PARD3: variants seen among roughly 807,000 people sequenced by gnomAD.
The protein encoded by PARD3 is par-3 family cell polarity regulator.
In PARD3, 75 loss-of-function variants were observed where a neutral mutation model predicts 155.4. The ratio of observed to expected loss-of-function variants is 0.48; its 90% confidence interval spans 0.40 to 0.58. The LOEUF (loss-of-function observed/expected upper bound fraction) is 0.58. PARD3 is among the 20% of genes least tolerant of loss of function. PARD3 has a pLI of 0.00. For synonymous variants in PARD3, 576 were observed against 610.5 expected (o/e 0.94, Z 0.83); for missense variants, 1,642 against 1,721.7 (o/e 0.95, Z 0.82).
chr10:34,328,617 C>T (rs1835294205), intron 19 of PARD3, among the ~76,000 whole-genome samples: 1 of 152,204 alleles, frequency 6.6e-6, no homozygotes, highest in African/African-American at 2.4e-5. Context: ...TGAGGTACTG[C>T]TCCTGACCAG....
chr10:34,692,744 G>T (rs138354043), intron 2 of PARD3, among the ~76,000 whole-genome samples: 1,885 of 151,862 alleles, frequency 0.012, 36 homozygotes, highest in African/African-American at 0.043. Context: ...CATGGTGGCG[G>T]GCACCTGTAA....
At chr10:34,128,385 C>A (rs1225033218) in intron 23 of PARD3, among the ~76,000 whole-genome samples, 1 of 152,160 alleles carries the variant, frequency 6.6e-6, no homozygotes, top group East Asian at 1.9e-4. Flanking sequence ...ATGTTCTCTT[C>A]TTTATGATTT....
intron 22 of PARD3, among the ~76,000 whole-genome samples, chr10:34,257,470 G>A (rs1954715807): frequency 6.6e-6 from 1 of 152,196 alleles, no homozygotes; most frequent in African/African-American, 2.4e-5. Context: ...GGATCTTGGA[G>A]CTTTTGTTAG....
intron 15 of PARD3, chr10:34,343,849 G>A (rs1837097451): frequency 1.0e-6 from 1 of 982,272 alleles, no homozygotes; most frequent in South Asian, 4.7e-5. Flanking sequence ...ATCTTGTAGA[G>A]GAGTGAAACA....
chr10:34,666,800 TA>T (rs2093489915), intron 2 of PARD3, among the ~76,000 whole-genome samples: 1 of 22,602 alleles, frequency 4.4e-5, no homozygotes, highest in South Asian at 1.3e-3. Flanking sequence ...AAAAAAAATA[TA>T]TATATATATA....
chr10:34,512,071 G>C lies in PARD3; in HGVS notation c.403+4908C>G, dbSNP rs1204187052. ...ATTACATTTCCAACATGTAAATTTG[G>C]GGGGACACATTAAGAGCCTAGCAAT... is the stretch of plus-strand genomic sequence containing the variant. On this transcript the variant is annotated intron_variant, in intron 3 of 24. Transcript: ENST00000374788. Among the ~76,000 whole-genome samples the C allele has an allele frequency of 2.0e-5, 3 of 152,134 alleles. No individual in the cohort carries two copies. In the East Asian group the frequency reaches 5.8e-4, roughly 29 times the overall value.
chr10:34,286,586 T>C (rs192611378), intron 20 of PARD3, among the ~76,000 whole-genome samples: 5 of 152,244 alleles, frequency 3.3e-5, no homozygotes, highest in African/African-American at 9.6e-5. Flanking sequence ...CTTTGAGGAA[T>C]GGCAAGGGCC....
chr10:34,461,137 T>C (rs1300053954), intron 4 of PARD3, among the ~76,000 whole-genome samples: 80 of 152,016 alleles, frequency 5.3e-4, no homozygotes, highest in Non-Finnish European at 2.9e-5. Context: ...ATATGCAAAA[T>C]TAAAAGAAAG....
intron 1 of PARD3, among the ~76,000 whole-genome samples, chr10:34,807,088 T>C (rs755956441): frequency 6.6e-5 from 10 of 152,218 alleles, no homozygotes; most frequent in Admixed American, 2.6e-4. Context: ...TAAAGAACAA[T>C]TGGTGAAGCC....
At chr10:34,308,045 C>A (rs1323970421) in intron 20 of PARD3, among the ~76,000 whole-genome samples, 1 of 152,064 alleles carries the variant, frequency 6.6e-6, no homozygotes, top group African/African-American at 2.4e-5. Flanking sequence ...CCTAGGAATA[C>A]CTGAGAAAAG....
intron 2 of PARD3, among the ~76,000 whole-genome samples, chr10:34,532,308 T>A (rs549302684): frequency 6.6e-6 from 1 of 152,200 alleles, no homozygotes; most frequent in Non-Finnish European, 1.5e-5. Flanking sequence ...TCTCCAAAAA[T>A]TTTTCCAATA....
At chr10:34,270,514 CTGGCATCTACT>C (rs1382811355) in intron 21 of PARD3, among the ~76,000 whole-genome samples, 1 of 152,176 alleles carries the variant, frequency 6.6e-6, no homozygotes, top group East Asian at 1.9e-4. Flanking sequence ...CAGATCATTT[CTGGCATCTACT>C]TGGATATTAC....
At chr10:34,805,474 T>C (rs1037364734) in intron 1 of PARD3, among the ~76,000 whole-genome samples, 2 of 151,536 alleles carry the variant, frequency 1.3e-5, no homozygotes, top group Non-Finnish European at 2.9e-5. Context: ...TTGACTTGAC[T>C]ATCATCTCTA....
intron 19 of PARD3, among the ~76,000 whole-genome samples, chr10:34,326,532 A>G (rs1350563432): frequency 5.3e-5 from 8 of 152,232 alleles, no homozygotes. Flanking sequence ...ACTGTAATCC[A>G]CTGTGTTTTG....
chr10:34,117,771 C>T lies in PARD3; in HGVS notation c.3668+1842G>A, dbSNP rs191928089. Among the ~76,000 whole-genome samples the T allele has an allele frequency of 8.3e-3, 1,270 of 152,178 alleles. 10 individuals carry two copies. The highest frequency in any genetic ancestry group is 0.011 in the Non-Finnish European group (730 of 68,012). On this transcript the variant is annotated intron_variant, in intron 24 of 24. Transcript: ENST00000374788. ...ACTAAAGATACAAAAATTAGCCAGGCGAGGTGGCGCACGCCTGTAACCCCA... is the reference window on the plus strand; with the variant it reads ...ACTAAAGATACAAAAATTAGCCAGGTGAGGTGGCGCACGCCTGTAACCCCA...
rs181507268 is a variant in PARD3, at chr10:34,641,347, G to A, written c.222+54971C>T. ...GCACCTGCCCGCACCCTGAGCTGCC[G>A]GGGAAGCCTGGAGGAGGGACTGGGG... On this transcript the variant is annotated intron_variant, in intron 2 of 24. Coordinates refer to ENST00000374788, the MANE Select transcript of PARD3 (RefSeq NM_001184785.2). Among the ~76,000 whole-genome samples the A allele has an allele frequency of 8.0e-4, 122 of 152,288 alleles. 1 individual carries two copies. Among genetic ancestry groups the A allele is most frequent in the South Asian group, 2.1e-4 (1 of 4,824 alleles).
chr10:34,697,863 G>T (rs1335370960), intron 1 of PARD3, among the ~76,000 whole-genome samples: 2 of 151,488 alleles, frequency 1.3e-5, no homozygotes, highest in Non-Finnish European at 2.9e-5. Context: ...CATCATCCAG[G>T]AGTCCCTGGG....
At chr10:34,313,781 G>T (rs537933515) in intron 20 of PARD3, among the ~76,000 whole-genome samples, 1 of 152,258 alleles carries the variant, frequency 6.6e-6, no homozygotes, top group South Asian at 2.1e-4. Flanking sequence ...GATGATGGGG[G>T]TAGGACAGGA....
intron 20 of PARD3, among the ~76,000 whole-genome samples, chr10:34,303,154 C>G (rs1411855244): frequency 1.6e-5 from 2 of 127,830 alleles, no homozygotes; most frequent in African/African-American, 7.0e-5. Flanking sequence ...ATTTTACTGC[C>G]CAGGTGAATT....
Sources: gnomAD v4.1 joint callset for allele counts (sites outside exome capture counted in the v4.1 genomes callset) on GRCh38, gnomAD v4.1.1 for gene constraint, MANE v1.5 for transcripts, NCBI Gene and HGNC (gene_info 2026-07-23, HGNC 2026-07-21) for gene names.